The following CYP4Z1 variants were observed in gnomAD, a reference collection of about 807,000 sequenced individuals.
CYP4Z1 encodes cytochrome P450 family 4 subfamily Z member 1, also known as cytochrome P450 4Z1.
Under a neutral mutation model 54.2 loss-of-function variants are expected in CYP4Z1, and 41 were observed. The ratio of observed to expected loss-of-function variants is 0.76; its 90% CI spans 0.59 to 0.98. CYP4Z1 has a LOEUF of 0.98. Ranked by LOEUF, CYP4Z1 falls within the 50% of genes least tolerant of loss-of-function variation. The pLI is 0.00. For synonymous variants in CYP4Z1, 163 were observed against 206.2 expected, an observed-to-expected ratio of 0.79 and a Z score of 1.79; for missense variants, 513 against 599.0, an observed-to-expected ratio of 0.86 and a Z score of 1.50.
intron 6 of CYP4Z1, among the ~76,000 whole-genome samples, chr1:47,092,206 T>C (rs1322178726): frequency 6.6e-6 from 1 of 151,938 alleles, no homozygotes; most frequent in African/African-American, 2.4e-5. Context: ...GCCACACCGA[T>C]AGAAACTAGC....
chr1:47,110,495 T>C (rs1464961060), intron 9 of CYP4Z1, among the ~76,000 whole-genome samples: 1 of 150,524 alleles, frequency 6.6e-6, no homozygotes, highest in Non-Finnish European at 1.5e-5. Flanking sequence ...AGTTTGAGGC[T>C]GCAGCAAACT....
At chr1:47,057,889 C>T in the CYP4Z1 span, among the ~76,000 whole-genome samples, 1 of 151,866 alleles carries the variant, frequency 6.6e-6, no homozygotes, top group East Asian at 1.9e-4. Context: ...TAATTGAATA[C>T]TGGACATGGT....
At chr1:47,061,071 G>C in the CYP4Z1 span, among the ~76,000 whole-genome samples, 107 of 152,234 alleles carry the variant, frequency 7.0e-4, no homozygotes, top group African/African-American at 2.4e-3. Flanking sequence ...GAAGTTCATA[G>C]CATTAAATGC....
At chr1:47,078,858 T>C (rs1353699780) in intron 2 of CYP4Z1, among the ~76,000 whole-genome samples, 2 of 148,160 alleles carry the variant, frequency 1.3e-5, no homozygotes, top group Admixed American at 6.8e-5. Flanking sequence ...TTTCCAACCA[T>C]GCATCCTACC....
Position 47,094,694 on chromosome 1 carries a change from C to T in CYP4Z1, c.876+25C>T, listed in dbSNP as rs777186113. The T allele has an allele frequency of 9.1e-6, 14 of 1,544,598 alleles. No homozygotes were observed. In the South Asian group the frequency reaches 1.4e-4, roughly 15 times the overall value. On this transcript the variant is annotated intron_variant, in intron 7 of 11. Coordinates refer to ENST00000334194, the MANE Select transcript of CYP4Z1 (RefSeq NM_178134.3). ...AGTAAGTCTTCTAAACTTCTGAACA[C>T]ATTCGACTCAATAATTAAATAATAA...
chr1:47,116,513 T>G, intron 10 of CYP4Z1, 137 bp from the exon 11 acceptor site: 2 of 569,686 alleles, frequency 3.5e-6, no homozygotes, highest in South Asian at 5.9e-5. Flanking sequence ...ACTTGTAGTC[T>G]CCAGACATTG....
intron 2 of CYP4Z1, chr1:47,075,111 GGTGATCTCTGCTACAACAAGCTGTTC>G: frequency 2.4e-6 from 1 of 410,978 alleles, no homozygotes. Context: ...AGCAAGCACT[GGTGATCTCTGCTACAACAAGCTGTTC>G]GTGATAGGCT....
Position 47,082,452 on chromosome 1 carries a change from G to C in CYP4Z1, c.483G>C (p.Arg161=), listed in dbSNP as rs1330192817. 6.2e-7 allele frequency: 1 copy of C among 1,611,708 alleles called. No individual in the cohort carries two copies. The highest frequency in any genetic ancestry group is 8.5e-7 in the Non-Finnish European group (1 of 1,178,992). The part of the protein sequence containing the change: ...IFITMMSESV[R]MMLNKWEEHI... ...TCACCATGATGTCTGAGAGTGTTCG[G>C]ATGATGCTGGTAAGAGGAGAAGAGA... Residue 161 remains arginine (R), a synonymous_variant, in exon 4 of 12, where the codon CGG becomes CGC. Coordinates refer to ENST00000334194, the MANE Select transcript of CYP4Z1 (RefSeq NM_178134.3).
chr1:47,096,473 G>A (rs1474481840), intron 7 of CYP4Z1, among the ~76,000 whole-genome samples: 2 of 152,070 alleles, frequency 1.3e-5, no homozygotes, highest in Admixed American at 6.6e-5. Context: ...TTTATTTTGA[G>A]TTAATACCTT....
In CYP4Z1 at chr1:47,067,569, T is replaced by C. The variant is rs770566853; in HGVS notation, c.79T>C (p.Phe27Leu). 7.2e-5 allele frequency: 116 copies of C among 1,613,692 alleles called. No individual in the cohort carries two copies. The highest frequency in any genetic ancestry group is 9.2e-5 in the Non-Finnish European group (109 of 1,179,854). Residue 27 changes from phenylalanine (F) to leucine (L), a missense_variant, in exon 1 of 12, where the codon TTT (phenylalanine) becomes CTT (leucine). Phe to Leu is a conservative substitution (Grantham distance 22). Coordinates refer to ENST00000334194, the MANE Select transcript of CYP4Z1 (RefSeq NM_178134.3). ...CCTCCTCTGCATGTCTCTGCTGCTG[T>C]TTCAGGTAATCAGGTTGTACCAGAG... ...LILLCMSLLLFQVIRLYQRRR... is the reference protein window; with the variant it reads ...LILLCMSLLLLQVIRLYQRRR...
intron 6 of CYP4Z1, among the ~76,000 whole-genome samples, chr1:47,088,274 C>T (rs1229064424): frequency 6.6e-6 from 1 of 152,020 alleles, no homozygotes; most frequent in Non-Finnish European, 1.5e-5. Context: ...GGAATGGTAC[C>T]AGCTCCTCCT....
chr1:47,115,230 G>A (rs1020026295), intron 9 of CYP4Z1, among the ~76,000 whole-genome samples: 1 of 152,048 alleles, frequency 6.6e-6, no homozygotes, highest in African/African-American at 2.4e-5. Context: ...CTCACTCATA[G>A]GTGGGAATTG....
chr1:47,097,820 A>ATTTTT (rs35258883), intron 7 of CYP4Z1, among the ~76,000 whole-genome samples: 12 of 128,388 alleles, frequency 9.3e-5, no homozygotes, highest in East Asian at 9.2e-4. Context: ...GTTCCATATG[A>ATTTTT]TTTTTTTTTT....
At chr1:47,078,036 T>G (rs1304373569) in intron 2 of CYP4Z1, among the ~76,000 whole-genome samples, 1 of 152,162 alleles carries the variant, frequency 6.6e-6, no homozygotes, top group Non-Finnish European at 1.5e-5. Flanking sequence ...TCCTTTTCTG[T>G]ATATTTTCAG....
intron 7 of CYP4Z1, among the ~76,000 whole-genome samples, chr1:47,097,974 C>T (rs1644690517): frequency 2.0e-5 from 3 of 152,002 alleles, no homozygotes; most frequent in Admixed American, 6.6e-5. Flanking sequence ...AACCATCATG[C>T]CCAGCTAATT....
At chr1:47,113,557 G>C (rs1395662665) in intron 9 of CYP4Z1, among the ~76,000 whole-genome samples, 2 of 152,168 alleles carry the variant, frequency 1.3e-5, no homozygotes, top group African/African-American at 2.4e-5. Context: ...TATGATTGTA[G>C]AATTCTTTCC....
chr1:47,099,253 G>C lies in CYP4Z1; in HGVS notation c.1036G>C (p.Glu346Gln). Residue 346 changes from glutamate (E) to glutamine (Q), a missense_variant, in exon 8 of 12, where the codon GAA becomes CAA. Coordinates refer to ENST00000334194, the MANE Select transcript of CYP4Z1 (RefSeq NM_178134.3). ...HQQRCRDEIRELLGDGSSITW... is the reference protein window; with the variant it reads ...HQQRCRDEIRQLLGDGSSITW... ...GCAGAGATGCCGAGATGAAATCAGGGAACTCCTAGGGGATGGGTCTTCTAT... is the reference window on the plus strand; with the variant it reads ...GCAGAGATGCCGAGATGAAATCAGGCAACTCCTAGGGGATGGGTCTTCTAT... 6.2e-7 allele frequency: 1 copy of C among 1,613,030 alleles called. No individual in the cohort carries two copies. Among genetic ancestry groups the C allele is most frequent in the Non-Finnish European group, 8.5e-7 (1 of 1,179,668 alleles).
At chr1:47,112,958 G>A (rs1193447642) in intron 9 of CYP4Z1, among the ~76,000 whole-genome samples, 2 of 151,544 alleles carry the variant, frequency 1.3e-5, no homozygotes, top group East Asian at 3.9e-4. Context: ...ATGGTTCTAT[G>A]GCTCCAAAGT....
chr1:47,108,516 A>T, intron 9 of CYP4Z1, among the ~76,000 whole-genome samples: 1 of 152,030 alleles, frequency 6.6e-6, no homozygotes, highest in East Asian at 1.9e-4. Flanking sequence ...ATTTCTAAAA[A>T]GAAACATGTT....
Sources: gnomAD v4.1 joint callset for allele counts (sites outside exome capture counted in the v4.1 genomes callset) on GRCh38, gnomAD v4.1.1 for gene constraint, MANE v1.5 for transcripts, NCBI Gene and HGNC (gene_info 2026-07-23, HGNC 2026-07-21) for gene names.